The following XPO6 variants were observed in gnomAD, a reference collection of about 807,000 sequenced individuals.
XPO6 encodes the protein exportin 6, also known as exportin-6.
A neutral mutation model predicts 130.0 loss-of-function variants in XPO6; 3 were observed. That is an observed-to-expected ratio of 0.02 (90% CI 0.01 to 0.06). The LOEUF (loss-of-function observed/expected upper bound fraction) is 0.06. Among genes scored for constraint, XPO6 ranks in the 10% least tolerant of loss-of-function variants. XPO6 has a pLI of 1.00. For missense variants in XPO6, 970 were observed against 1,393.0 expected (o/e 0.70, Z 4.83); for synonymous variants, 524 against 548.9 (o/e 0.95, Z 0.63).
chr16:28,178,008 T>C (rs1480829585), intron 2 of XPO6, among the ~76,000 whole-genome samples: 1 of 152,158 alleles, frequency 6.6e-6, no homozygotes, highest in African/African-American at 2.4e-5. Context: ...AGGCTGCTGA[T>C]GGCATCAGCC....
intron 6 of XPO6, among the ~76,000 whole-genome samples, chr16:28,160,519 A>AAAAAAAAT: frequency 6.6e-6 from 1 of 151,630 alleles, no homozygotes. Flanking sequence ...AAAAAAAAAA[A>AAAAAAAAT]ATCAAGTAAA....
chr16:28,113,354 A>G (rs1011734871), intron 15 of XPO6, among the ~76,000 whole-genome samples: 1 of 151,974 alleles, frequency 6.6e-6, no homozygotes, highest in Non-Finnish European at 1.5e-5. Flanking sequence ...CTATTAAATC[A>G]CACTCCCTGG....
intron 10 of XPO6, 74 bp downstream of exon 10, chr16:28,135,142 G>C (rs1179909318): frequency 8.0e-7 from 1 of 1,252,560 alleles, no homozygotes; most frequent in East Asian, 2.4e-5. Context: ...AGAGGGCTCT[G>C]GGTTCCAGGT....
intron 16 of XPO6, 56 bp downstream of exon 16, chr16:28,112,848 T>C: frequency 6.4e-7 from 1 of 1,568,380 alleles, no homozygotes; most frequent in Non-Finnish European, 8.7e-7. Flanking sequence ...TTCCTCAGCT[T>C]CCTTGGGTCT....
chr16:28,131,684 G>GT (rs2042673315), intron 12 of XPO6, among the ~76,000 whole-genome samples: 1 of 152,112 alleles, frequency 6.6e-6, no homozygotes, highest in South Asian at 2.1e-4. Flanking sequence ...GTAAAACAGG[G>GT]GTAACTAGTA....
intron 5 of XPO6, among the ~76,000 whole-genome samples, chr16:28,167,843 C>G (rs2043381164): frequency 6.7e-6 from 1 of 149,556 alleles, no homozygotes; most frequent in African/African-American, 2.5e-5. Flanking sequence ...ATATTGTATG[C>G]TTCCATTTTT....
At position 28,107,427 on chromosome 16, in the gene XPO6, G is replaced by A. The variant is rs1827348594; in HGVS notation, c.2497+95C>T. On this transcript the variant is annotated intron_variant, in intron 18 of 23. Coordinates refer to ENST00000304658, the MANE Select transcript of XPO6 (RefSeq NM_015171.4). ...CGTTGCACGGAACAAGTCAAGGCCT[G>A]TACTGCACCGACTCAGTGTGTTCTA... is the stretch of plus-strand genomic sequence containing the variant. 2.1e-6 allele frequency: 3 copies of A among 1,427,964 alleles called. No homozygotes were observed. In the South Asian group the frequency reaches 3.6e-5, roughly 17 times the overall value. 88.5% of individuals were successfully genotyped at this position (1,427,964 alleles called of 1,614,324 possible). A position where few individuals can be genotyped will look rare whatever the true frequency, so the allele number is the denominator to read the frequency against.
intron 8 of XPO6, among the ~76,000 whole-genome samples, chr16:28,147,123 T>G (rs998782664): frequency 6.6e-6 from 1 of 152,214 alleles, no homozygotes; most frequent in Non-Finnish European, 1.5e-5. Context: ...TAACATGACC[T>G]TCTTGGATCA....
rs376725202 is a variant in XPO6, at chr16:28,106,025, G to A, written c.2784+18C>T. 3 of 1,608,430 alleles carry A rather than the reference G, an allele frequency of 1.9e-6. No homozygotes were observed. In the African/African-American group the frequency reaches 4.0e-5, roughly 21 times the overall value. On this transcript the variant is annotated intron_variant, in intron 20 of 23. Transcript: ENST00000304658. The surrounding 1 kb of genome is among the most constrained non-coding windows in gnomAD (Gnocchi z 4.2). ...TGGAGATGGGGGGTGCTGCACAGGG[G>A]ACCGTCTGAGCCCCTACCTCGGCAA...
chr16:28,164,388 A>G (rs2043324130), intron 6 of XPO6, among the ~76,000 whole-genome samples: 1 of 152,230 alleles, frequency 6.6e-6, no homozygotes, highest in Non-Finnish European at 1.5e-5. Flanking sequence ...CATCATCAGC[A>G]CTGTCCAAAT....
At chr16:28,211,301 CG>C in intron 1 of XPO6, 64 bp downstream of exon 1, 1 of 1,303,808 alleles carries the variant, frequency 7.7e-7, no homozygotes, top group Non-Finnish European at 9.8e-7. Flanking sequence ...TCAGCAGCCC[CG>C]GGGCCCATTC....
In XPO6 at chr16:28,103,747, T is replaced by C. The variant is rs1001927093; in HGVS notation, c.2946+799A>G. Among the ~76,000 whole-genome samples, 3 of 152,202 alleles carry C rather than the reference T, an allele frequency of 2.0e-5. No homozygotes were observed. The South Asian group carries it at 6.2e-4, about 32-fold the overall frequency. ...ATGGGAAGGCCAGGGCAAGGGCACG[T>C]GCCTGAAAAGAACTGCCACACAAGA... On this transcript the variant is annotated intron_variant, in intron 21 of 23. Transcript: ENST00000304658.
chr16:28,187,670 G>C (rs943728358), intron 1 of XPO6, among the ~76,000 whole-genome samples: 2 of 148,878 alleles, frequency 1.3e-5, no homozygotes, highest in Admixed American at 1.4e-4. Flanking sequence ...CAACTGTCTG[G>C]AAAGATGCTC....
chr16:28,103,319 G>C lies in XPO6; in HGVS notation c.2946+1227C>G, dbSNP rs1043032797. On this transcript the variant is annotated intron_variant, in intron 21 of 23. Transcript: ENST00000304658. Reference sequence around the variant, plus strand: ...TCATCTATGCTGCTGATTGTACCAAGAATCCATGCTTGCTTATTGCCGAGT... The same window carrying C: ...TCATCTATGCTGCTGATTGTACCAACAATCCATGCTTGCTTATTGCCGAGT... Among the ~76,000 whole-genome samples the C allele has an allele frequency of 2.0e-5, 3 of 152,182 alleles. No homozygotes were observed. In the South Asian group the frequency reaches 6.2e-4, roughly 32 times the overall value.
chr16:28,144,422 C>T (rs1340884843), intron 9 of XPO6, among the ~76,000 whole-genome samples: 1 of 152,206 alleles, frequency 6.6e-6, no homozygotes, highest in African/African-American at 2.4e-5. Flanking sequence ...CCAAGAGACA[C>T]AAGGAGTCTC....
chr16:28,098,304 C>T lies in XPO6; in HGVS notation c.*234G>A. The T allele has an allele frequency of 2.1e-6, 1 of 466,808 alleles. No individual in the cohort carries two copies. Among genetic ancestry groups the T allele is most frequent in the Non-Finnish European group, 3.9e-6 (1 of 258,556 alleles). 28.9% of individuals were successfully genotyped at this position (466,808 alleles called of 1,614,324 possible). A position where few individuals can be genotyped will look rare whatever the true frequency, so the allele number is the denominator to read the frequency against. On this transcript the variant is annotated 3_prime_UTR_variant, in exon 24 of 24. Coordinates refer to ENST00000304658, the MANE Select transcript of XPO6 (RefSeq NM_015171.4). ...GTGCCTCCTAGTACCTGGCCACACA[C>T]CCCTCCGCCTGCTCCAACGCCCTGG...
At chr16:28,176,138 CA>C in intron 3 of XPO6, 43 bp from the exon 4 acceptor site, 1 of 1,583,282 alleles carries the variant, frequency 6.3e-7, no homozygotes, top group South Asian at 1.1e-5. Context: ...AACCTATACA[CA>C]AAAATAACTG....
chr16:28,197,964 TAAAAAAAAAAAA>T (rs370727941), intron 1 of XPO6, among the ~76,000 whole-genome samples: 3 of 27,622 alleles, frequency 1.1e-4, no homozygotes, highest in East Asian at 1.2e-3. Context: ...CTAAGTTTAT[TAAAAAAAAAAAA>T]AAAAAAAAAA....
intron 1 of XPO6, among the ~76,000 whole-genome samples, chr16:28,209,640 CAAAAA>C (rs200663753): frequency 4.7e-5 from 2 of 43,010 alleles, no homozygotes; most frequent in African/African-American, 7.8e-5. Flanking sequence ...AACTCCATCT[CAAAAA>C]AAAAAAAAAA....
Sources: gnomAD v4.1 joint callset for allele counts (sites outside exome capture counted in the v4.1 genomes callset) on GRCh38, gnomAD v4.1.1 for gene constraint, Gnocchi (gnomAD v3.1) non-coding constraint, MANE v1.5 for transcripts, NCBI Gene and HGNC (gene_info 2026-07-23, HGNC 2026-07-21) for gene names.